The following NTRK2 variants were observed in gnomAD, a reference collection of about 807,000 sequenced individuals.
NTRK2 encodes the protein neurotrophic receptor tyrosine kinase 2, also known as BDNF/NT-3 growth factors receptor.
A neutral mutation model predicts 94.5 loss-of-function variants in NTRK2; 13 were observed. The ratio of observed to expected loss-of-function variants is 0.14; its 90% CI spans 0.09 to 0.22. NTRK2 has a LOEUF of 0.22. Among genes scored for constraint, NTRK2 ranks in the 10% least tolerant of loss-of-function variants. The pLI, the probability that NTRK2 is intolerant of heterozygous loss-of-function variation, is 1.00. For synonymous variants in NTRK2, 372 were observed against 407.4 expected (o/e 0.91, Z 1.05); for missense variants, 639 against 1,071.2 (o/e 0.60, Z 5.63).
chr9:84,690,619 C>T (rs1456946155), intron 2 of NTRK2, among the ~76,000 whole-genome samples: 4 of 151,404 alleles, frequency 2.6e-5, no homozygotes, highest in African/African-American at 9.7e-5. Flanking sequence ...CTTGGGAGGC[C>T]GAGGCAGGAG....
At chr9:84,894,185 A>G (rs62563864) in intron 14 of NTRK2, among the ~76,000 whole-genome samples, 7 of 146,852 alleles carry the variant, frequency 4.8e-5, no homozygotes, top group Non-Finnish European at 8.9e-5. Flanking sequence ...TTTTTATAAC[A>G]CATTGAATAG....
chr9:84,836,271 G>A (rs758537366), intron 12 of NTRK2, among the ~76,000 whole-genome samples: 4 of 152,130 alleles, frequency 2.6e-5, no homozygotes, highest in Non-Finnish European at 5.9e-5. Flanking sequence ...CAAGAAGAGG[G>A]CAGCTCTTCC....
chr9:84,771,925 A>G (rs934079263), intron 12 of NTRK2, among the ~76,000 whole-genome samples: 7 of 152,266 alleles, frequency 4.6e-5, no homozygotes, highest in Non-Finnish European at 7.3e-5. Flanking sequence ...GGTAAAGAGT[A>G]AAATGAAGTA....
At chr9:84,806,417 C>A (rs949931434) in intron 12 of NTRK2, among the ~76,000 whole-genome samples, 1 of 152,090 alleles carries the variant, frequency 6.6e-6, no homozygotes, top group African/African-American at 2.4e-5. Context: ...CCTTGGGAAG[C>A]AAAAGGGGTG....
At chr9:84,912,644 A>T (rs1587910028) in intron 14 of NTRK2, among the ~76,000 whole-genome samples, 1 of 110,584 alleles carries the variant, frequency 9.0e-6, no homozygotes, top group Admixed American at 1.3e-4. Flanking sequence ...TATGAGATGG[A>T]GTCTCACTCT....
intron 11 of NTRK2, among the ~76,000 whole-genome samples, chr9:84,750,391 G>A (rs2064481330): frequency 6.6e-6 from 1 of 152,190 alleles, no homozygotes; most frequent in Admixed American, 6.6e-5. Flanking sequence ...GCCAGGAAAT[G>A]TATCCTACAA....
chr9:84,937,177 A>G (rs1419012937), intron 15 of NTRK2, among the ~76,000 whole-genome samples: 9 of 152,178 alleles, frequency 5.9e-5, no homozygotes, highest in Admixed American at 5.9e-4. Flanking sequence ...TTTTTAAAGG[A>G]ATGAAACCAA....
chr9:84,872,046 T>C (rs2075884534), intron 14 of NTRK2: 3 of 1,416,292 alleles, frequency 2.1e-6, no homozygotes, highest in Non-Finnish European at 2.8e-6. Context: ...ACTTTAACTA[T>C]AGACCCATCT....
chr9:84,960,005 C>G (rs982914285), intron 17 of NTRK2, among the ~76,000 whole-genome samples: 5 of 152,198 alleles, frequency 3.3e-5, no homozygotes, highest in African/African-American at 9.7e-5. Context: ...TGGGCTTCAG[C>G]TTTATGTTGG....
chr9:84,773,418 G>C (rs2066740617), intron 12 of NTRK2, among the ~76,000 whole-genome samples: 1 of 152,168 alleles, frequency 6.6e-6, no homozygotes, highest in South Asian at 2.1e-4. Context: ...GAGGGGTGAG[G>C]GGAGTCCTTC....
At chr9:84,855,766 C>T (rs533964422) in intron 12 of NTRK2, among the ~76,000 whole-genome samples, 2 of 152,270 alleles carry the variant, frequency 1.3e-5, no homozygotes, top group Non-Finnish European at 2.9e-5. Context: ...ACTCTGTCTA[C>T]GCCCACATAA....
chr9:84,835,569 A>G (rs1453760508), intron 12 of NTRK2, among the ~76,000 whole-genome samples: 1 of 151,806 alleles, frequency 6.6e-6, no homozygotes, highest in Non-Finnish European at 1.5e-5. Context: ...AAAATGCACA[A>G]AACTCCAAAG....
At chr9:84,732,151 T>G (rs928667795) in intron 9 of NTRK2, among the ~76,000 whole-genome samples, 4 of 152,210 alleles carry the variant, frequency 2.6e-5, no homozygotes, top group African/African-American at 7.2e-5. Flanking sequence ...ATGTTTCTCT[T>G]CCAGCACACT....
chr9:85,004,261 A>C (rs1588163546), intron 17 of NTRK2, among the ~76,000 whole-genome samples: 1 of 152,150 alleles, frequency 6.6e-6, no homozygotes, highest in African/African-American at 2.4e-5. Flanking sequence ...GATGTTCTTA[A>C]GTTGAAAATA....
chr9:85,004,047 G>GAAA (rs1564542231), intron 17 of NTRK2, among the ~76,000 whole-genome samples: 1 of 39,782 alleles, frequency 2.5e-5, no homozygotes, highest in African/African-American at 1.2e-4. Context: ...GAAAGAAAGG[G>GAAA]AGAAAGAGAA....
intron 12 of NTRK2, among the ~76,000 whole-genome samples, chr9:84,803,255 G>A (rs2070714956): frequency 1.3e-5 from 2 of 152,132 alleles, no homozygotes; most frequent in South Asian, 4.2e-4. Context: ...GGGATGTCTG[G>A]GTAAAGAACC....
chr9:84,802,632 G>A (rs1264868925), intron 12 of NTRK2, among the ~76,000 whole-genome samples: 2 of 152,222 alleles, frequency 1.3e-5, no homozygotes, highest in African/African-American at 2.4e-5. Flanking sequence ...TTTAACTCAA[G>A]TGAGGGGTTC....
chr9:84,777,548 G>C (rs1186370595), intron 12 of NTRK2, among the ~76,000 whole-genome samples: 1 of 152,162 alleles, frequency 6.6e-6, no homozygotes, highest in Non-Finnish European at 1.5e-5. Flanking sequence ...AGAGTTTGGA[G>C]AAGGAAAAAC....
At chr9:84,777,940 C>T (rs538843759) in intron 12 of NTRK2, among the ~76,000 whole-genome samples, 8 of 152,212 alleles carry the variant, frequency 5.3e-5, no homozygotes, top group African/African-American at 9.6e-5. Context: ...TTTTGAAGTT[C>T]GTTTCAACAG....
Sources: allele counts gnomAD v4.1 joint callset (sites outside exome capture counted in the v4.1 genomes callset), GRCh38; gene constraint gnomAD v4.1.1; transcripts MANE v1.5; gene names NCBI Gene and HGNC (gene_info 2026-07-23, HGNC 2026-07-21).